GLG1: variants seen among roughly 807,000 people sequenced by gnomAD.
The protein encoded by GLG1 is Golgi apparatus protein 1.
Under a neutral mutation model 160.5 loss-of-function variants are expected in GLG1, and 38 were observed. The observed-to-expected ratio is 0.24, with a 90% confidence interval of 0.18 to 0.31. The LOEUF (loss-of-function observed/expected upper bound fraction) is 0.31. Among genes scored for constraint, GLG1 ranks in the 10% least tolerant of loss-of-function variants. GLG1 has a pLI of 1.00. For missense variants in GLG1, 1,373 were observed against 1,505.2 expected (o/e 0.91, Z 1.45); for synonymous variants, 644 against 543.4 (o/e 1.19, Z -2.57).
chr16:74,459,783 T>G lies in GLG1; in HGVS notation c.3043A>C (p.Ser1015Arg), dbSNP rs763867401. The change falls in exon 23 of 26, where the codon AGT (serine) becomes CGT (arginine). Residue 1015 changes from serine (S) to arginine (R), a missense_variant. By Grantham distance (110) the Ser-to-Arg change is moderately radical. Transcript: ENST00000422840. ...LQLHCSDEIS[S>R]LCAEEAAAQE... is the part of the protein sequence containing the mutation. ...GCTGCTGCTTCTTCAGCACATAGAC[T>G]GGAGATCTGTTCAGGAGACACAAAA... 1.3e-6 allele frequency: 2 copies of G among 1,581,482 alleles called. No individual in the cohort carries two copies. Among genetic ancestry groups the G allele is most frequent in the South Asian group, 2.2e-5 (2 of 89,566 alleles).
chr16:74,523,476 G>C (rs1247285714), intron 2 of GLG1, among the ~76,000 whole-genome samples: 2 of 152,000 alleles, frequency 1.3e-5, no homozygotes, highest in Non-Finnish European at 2.9e-5. Context: ...TGGCAATTTT[G>C]CTAACAATAA....
At chr16:74,583,308 G>C (rs1399618531) in intron 1 of GLG1, among the ~76,000 whole-genome samples, 1 of 152,196 alleles carries the variant, frequency 6.6e-6, no homozygotes, top group Non-Finnish European at 1.5e-5. Flanking sequence ...GAAACTGCCT[G>C]AAATGCCTAG....
chr16:74,607,091 C>T lies in GLG1; in HGVS notation c.4G>A (p.Ala2Thr). 1.9e-6 allele frequency: 3 copies of T among 1,539,066 alleles called. No homozygotes were observed. The highest frequency in any genetic ancestry group is 2.6e-6 in the Non-Finnish European group (3 of 1,141,512). Residue 2 changes from alanine (A) to threonine (T), a missense_variant, in exon 1 of 26, where the codon GCG becomes ACG. This residue lies in a region of GLG1 where 322 missense variants were observed against 254.6 expected (regional missense o/e 1.26). Coordinates refer to ENST00000422840, the MANE Select transcript of GLG1 (RefSeq NM_001145667.2). M[A>T]ACGRVRRMFR... Reference sequence around the variant, plus strand: ...ATCCTCCGTACACGTCCACACGCCGCCATCTTGAGTCCGCGGCGAGCTCGA... The same window carrying T: ...ATCCTCCGTACACGTCCACACGCCGTCATCTTGAGTCCGCGGCGAGCTCGA...
intron 1 of GLG1, among the ~76,000 whole-genome samples, chr16:74,582,710 T>C (rs1409662624): frequency 6.6e-6 from 1 of 151,744 alleles, no homozygotes; most frequent in Non-Finnish European, 1.5e-5. Context: ...TCCCAGCTAC[T>C]TGGGAGGCTG....
intron 9 of GLG1, among the ~76,000 whole-genome samples, chr16:74,485,023 C>T (rs183374513): frequency 2.6e-5 from 4 of 152,216 alleles, no homozygotes; most frequent in Non-Finnish European, 2.9e-5. Flanking sequence ...AAGCAATCTT[C>T]CCACATCAAC....
intron 25 of GLG1, among the ~76,000 whole-genome samples, chr16:74,454,428 G>T (rs566297967): frequency 6.6e-6 from 1 of 151,190 alleles, no homozygotes; most frequent in Admixed American, 6.6e-5. Context: ...CAGCACTTTG[G>T]GAGGCTGAGA....
At chr16:74,464,543 C>T (rs2014929148) in intron 19 of GLG1, among the ~76,000 whole-genome samples, 1 of 152,204 alleles carries the variant, frequency 6.6e-6, no homozygotes, top group Non-Finnish European at 1.5e-5. Flanking sequence ...GAGCACTGAG[C>T]CTCTCTTCCT....
Position 74,452,918 on chromosome 16 carries a change from G to A in GLG1, c.*249C>T, listed in dbSNP as rs542576693. On this transcript the variant is annotated 3_prime_UTR_variant, in exon 26 of 26. Transcript: ENST00000422840. ...TATGAGAGAGACTTGTCTACAGGCA[G>A]GTAAACCCAAGTTTGCCAAACAAAG... 141 of 1,195,294 alleles carry A rather than the reference G, an allele frequency of 1.2e-4. 2 individuals are homozygous for A. In the East Asian group the frequency reaches 5.3e-3, roughly 45 times the overall value. 74.0% of individuals were successfully genotyped at this position (1,195,294 alleles called of 1,614,324 possible).
At chr16:74,531,444 G>C (rs1468938761) in intron 2 of GLG1, among the ~76,000 whole-genome samples, 1 of 152,142 alleles carries the variant, frequency 6.6e-6, no homozygotes, top group Non-Finnish European at 1.5e-5. Context: ...TCAGCCTCCA[G>C]AGTAGCTGGG....
At chr16:74,502,722 G>GTTTTTT (rs745410150) in intron 4 of GLG1, among the ~76,000 whole-genome samples, 4 of 109,576 alleles carry the variant, frequency 3.7e-5, no homozygotes, top group Non-Finnish European at 3.6e-5. Flanking sequence ...TTTGTTTTTG[G>GTTTTTT]TTTTTTTTTT....
At chr16:74,589,605 G>C (rs543306013) in intron 1 of GLG1, among the ~76,000 whole-genome samples, 8 of 152,324 alleles carry the variant, frequency 5.3e-5, no homozygotes, top group African/African-American at 1.9e-4. Flanking sequence ...GCAGCAAGAT[G>C]TGTATGGAGC....
At chr16:74,567,211 C>CAAAG (rs371729428) in intron 1 of GLG1, among the ~76,000 whole-genome samples, 1 of 147,234 alleles carries the variant, frequency 6.8e-6, no homozygotes, top group Admixed American at 6.8e-5. Flanking sequence ...GAGAGAGAGA[C>CAAAG]AGAGAGAGAG....
In GLG1 at chr16:74,476,721, A is replaced by T. The variant is rs139926142; in HGVS notation, c.1965+675T>A. ...AAGGAGCCAATCACAGCACTCAGGG[A>T]ATTTTTGGGGGCTGCTCCTTCCCTC... On this transcript the variant is annotated intron_variant, in intron 12 of 25. Coordinates refer to ENST00000422840, the MANE Select transcript of GLG1 (RefSeq NM_001145667.2). Among the ~76,000 whole-genome samples, 89 of 152,218 alleles carry T rather than the reference A, an allele frequency of 5.8e-4. No homozygotes were observed. The South Asian group carries it at 7.7e-3, about 13-fold the overall frequency.
chr16:74,592,107 G>A (rs142403659), intron 1 of GLG1, among the ~76,000 whole-genome samples: 5 of 152,152 alleles, frequency 3.3e-5, no homozygotes, highest in Non-Finnish European at 4.4e-5. Context: ...GTGCTGGGCT[G>A]TGGGCCACTG....
intron 1 of GLG1, among the ~76,000 whole-genome samples, chr16:74,584,446 C>T (rs183841554): frequency 3.0e-4 from 46 of 151,238 alleles, no homozygotes; most frequent in African/African-American, 1.1e-3. Context: ...ATCTTTCTTA[C>T]AAAGCATGAT....
At chr16:74,527,534 G>C (rs559076182) in intron 2 of GLG1, among the ~76,000 whole-genome samples, 1 of 151,952 alleles carries the variant, frequency 6.6e-6, no homozygotes, top group African/African-American at 2.4e-5. Flanking sequence ...ACAGGCGTGA[G>C]CCACCACGCC....
At chr16:74,531,208 T>C (rs1353093700) in intron 2 of GLG1, among the ~76,000 whole-genome samples, 1 of 152,170 alleles carries the variant, frequency 6.6e-6, no homozygotes, top group Non-Finnish European at 1.5e-5. Context: ...AAATAGCCAA[T>C]CTGTCTCTGC....
At chr16:74,570,592 A>C (rs899034835) in intron 1 of GLG1, among the ~76,000 whole-genome samples, 1 of 152,154 alleles carries the variant, frequency 6.6e-6, no homozygotes, top group South Asian at 2.1e-4. Flanking sequence ...ATTGTTGCTC[A>C]TGCCATCAAC....
intron 1 of GLG1, among the ~76,000 whole-genome samples, chr16:74,594,437 C>A (rs1022510552): frequency 3.9e-5 from 6 of 152,184 alleles, no homozygotes; most frequent in African/African-American, 7.2e-5. Context: ...AGCTGAATGA[C>A]TACAGATGCC....
Sources: allele counts gnomAD v4.1 joint callset (sites outside exome capture counted in the v4.1 genomes callset), GRCh38; gene constraint gnomAD v4.1.1; regional missense constraint gnomAD v4.1.1; transcripts MANE v1.5; gene names NCBI Gene and HGNC (gene_info 2026-07-23, HGNC 2026-07-21).